NEK1: variants seen among roughly 807,000 people sequenced by gnomAD.
NEK1 encodes the protein serine/threonine-protein kinase Nek1.
A neutral mutation model predicts 182.1 loss-of-function variants in NEK1; 137 were observed. That is an observed-to-expected ratio of 0.75 (90% CI 0.65 to 0.87). The LOEUF is 0.87. Ranked by LOEUF, NEK1 falls within the 40% of genes least tolerant of loss-of-function variation. The probability of loss-of-function intolerance (pLI) is 0.00; values close to 1 mark genes in which losing one functional copy is unlikely to be tolerated. For missense variants in NEK1, 1,391 were observed against 1,494.4 expected (o/e 0.93, Z 1.14); for synonymous variants, 513 against 492.2 (o/e 1.04, Z -0.56).
chr4:169,403,259 T>C (rs1731991906), intron 32 of NEK1, among the ~76,000 whole-genome samples: 1 of 152,152 alleles, frequency 6.6e-6, no homozygotes, highest in African/African-American at 2.4e-5. Flanking sequence ...AGCATTTAAC[T>C]TAATATATAA....
intron 9 of NEK1, 134 bp downstream of exon 9, chr4:169,587,425 A>T (rs1298398725): frequency 2.0e-6 from 1 of 502,812 alleles, no homozygotes; most frequent in Non-Finnish European, 3.5e-6. Flanking sequence ...AAAAATGAGA[A>T]ATTCAAAAAT....
At chr4:169,496,915 T>A (rs908299869) in intron 23 of NEK1, among the ~76,000 whole-genome samples, 3 of 152,234 alleles carry the variant, frequency 2.0e-5, no homozygotes, top group Non-Finnish European at 4.4e-5. Flanking sequence ...GATGTTGGCC[T>A]CATAAAATGC....
In NEK1 at chr4:169,400,291, T is replaced by C; in HGVS notation, c.3781A>G (p.Asn1261Asp). 2 of 1,561,088 alleles carry C rather than the reference T, an allele frequency of 1.3e-6. No individual in the cohort carries two copies. Among genetic ancestry groups the C allele is most frequent in the Non-Finnish European group, 1.7e-6 (2 of 1,150,230 alleles). The change falls in exon 35 of 36, where the codon AAT becomes GAT. Residue 1261 changes from asparagine to aspartate, a missense_variant. By Grantham distance (23) the Asn-to-Asp change is conservative (BLOSUM62 1). Around this residue, in one of 5 missense-constraint regions of NEK1, gnomAD observed 1,216 missense variants for 1,277.6 expected, o/e 0.95. Coordinates refer to ENST00000507142, the MANE Select transcript of NEK1 (RefSeq NM_001199397.3). ...CSKIVQNILG[N>D]EHQHLYAKIL... ...TTGGCATAAAGATGCTGATGTTCAT[T>C]TCCCAAAATATTTTGAACTATTTTT...
chr4:169,501,860 C>T (rs556508117), intron 23 of NEK1, among the ~76,000 whole-genome samples: 1 of 151,856 alleles, frequency 6.6e-6, no homozygotes, highest in Non-Finnish European at 1.5e-5. Context: ...CAAAAAGAAA[C>T]TAAATCAAAA....
chr4:169,424,873 C>G, intron 30 of NEK1, 73 bp from the exon 31 acceptor site: 1 of 1,406,334 alleles, frequency 7.1e-7, no homozygotes. Context: ...TGATAAGGCA[C>G]AGTATGTAAC....
chr4:169,398,244 C>T (rs1731041699), intron 35 of NEK1, among the ~76,000 whole-genome samples: 1 of 150,664 alleles, frequency 6.6e-6, no homozygotes, highest in Non-Finnish European at 1.5e-5. Flanking sequence ...AAAAATACAA[C>T]ATGTTTTACA....
intron 23 of NEK1, among the ~76,000 whole-genome samples, chr4:169,498,765 T>G (rs929502048): frequency 5.3e-5 from 8 of 152,228 alleles, no homozygotes; most frequent in African/African-American, 1.4e-4. Flanking sequence ...AGTTTCTGCC[T>G]AGAGATCAGC....
At chr4:169,549,320 G>A (rs960248800) in intron 18 of NEK1, among the ~76,000 whole-genome samples, 45 of 152,176 alleles carry the variant, frequency 3.0e-4, no homozygotes, top group African/African-American at 1.0e-3. Context: ...GAGATGAACT[G>A]GGTACCTCAG....
At chr4:169,478,986 T>G (rs529784295) in intron 24 of NEK1, among the ~76,000 whole-genome samples, 11 of 152,312 alleles carry the variant, frequency 7.2e-5, no homozygotes, top group South Asian at 2.1e-4. Flanking sequence ...ACATTTGCCA[T>G]GTCACAAAAT....
At chr4:169,409,429 C>A (rs1733255452) in intron 31 of NEK1, among the ~76,000 whole-genome samples, 1 of 147,858 alleles carries the variant, frequency 6.8e-6, no homozygotes, top group South Asian at 2.4e-4. Context: ...CAGGCGTGAG[C>A]CACCGCGCCC....
At chr4:169,430,936 C>T (rs1313210092) in intron 29 of NEK1, among the ~76,000 whole-genome samples, 1 of 151,038 alleles carries the variant, frequency 6.6e-6, no homozygotes, top group Non-Finnish European at 1.5e-5. Context: ...TTACAGAAAT[C>T]TATTAGTTAA....
At chr4:169,575,799 G>A (rs1454277386) in intron 12 of NEK1, among the ~76,000 whole-genome samples, 1 of 152,108 alleles carries the variant, frequency 6.6e-6, no homozygotes, top group African/African-American at 2.4e-5. Flanking sequence ...CTGAATCTCA[G>A]CCTTCGCGAT....
intron 23 of NEK1, among the ~76,000 whole-genome samples, chr4:169,496,770 G>A (rs1432579228): frequency 6.6e-6 from 1 of 151,990 alleles, no homozygotes; most frequent in Non-Finnish European, 1.5e-5. Context: ...GATCATGGTG[G>A]ATAAGCTTTT....
intron 23 of NEK1, among the ~76,000 whole-genome samples, chr4:169,495,780 G>C (rs963678313): frequency 6.6e-6 from 1 of 152,166 alleles, no homozygotes; most frequent in Non-Finnish European, 1.5e-5. Flanking sequence ...TTTGGTACCA[G>C]TACCATGCTG....
chr4:169,433,135 C>T (rs1322640118), intron 29 of NEK1, among the ~76,000 whole-genome samples: 1 of 152,184 alleles, frequency 6.6e-6, no homozygotes, highest in East Asian at 1.9e-4. Flanking sequence ...TCTTGGCTCA[C>T]TGCAATCTCT....
chr4:169,485,476 C>T (rs1561273670), intron 23 of NEK1, among the ~76,000 whole-genome samples: 1 of 152,086 alleles, frequency 6.6e-6, no homozygotes, highest in Non-Finnish European at 1.5e-5. Context: ...TAAAGCTTTT[C>T]AATATTAACT....
chr4:169,541,583 A>G (rs1480714324), intron 18 of NEK1, among the ~76,000 whole-genome samples: 1 of 152,180 alleles, frequency 6.6e-6, no homozygotes, highest in African/African-American at 2.4e-5. Flanking sequence ...CAGTTTGCTG[A>G]TTCAGTTTGA....
At chr4:169,457,732 G>C (rs769154520) in intron 27 of NEK1, among the ~76,000 whole-genome samples, 18 of 122,696 alleles carry the variant, frequency 1.5e-4, no homozygotes, top group Middle Eastern at 4.1e-3. Flanking sequence ...GAGGGAAGAG[G>C]AGGAGAAAGG....
At chr4:169,454,715 T>C (rs903708702) in intron 27 of NEK1, among the ~76,000 whole-genome samples, 1 of 152,234 alleles carries the variant, frequency 6.6e-6, no homozygotes, top group Non-Finnish European at 1.5e-5. Flanking sequence ...ATAGGAACGC[T>C]TTTACACTGT....
Sources: gnomAD v4.1 joint callset for allele counts (sites outside exome capture counted in the v4.1 genomes callset) on GRCh38, gnomAD v4.1.1 for gene constraint, gnomAD v4.1.1 regional missense constraint, MANE v1.5 for transcripts, NCBI Gene and HGNC (gene_info 2026-07-23, HGNC 2026-07-21) for gene names.